PRRX2: variants seen among roughly 807,000 people sequenced by gnomAD.
PRRX2 encodes the protein paired mesoderm homeobox protein 2.
A neutral mutation model predicts 18.0 loss-of-function variants in PRRX2; 11 were observed. The ratio of observed to expected loss-of-function variants is 0.61; its 90% CI spans 0.39 to 1.01. PRRX2 has a LOEUF of 1.01. Ranked by LOEUF, PRRX2 falls within the 50% of genes least tolerant of loss-of-function variation. The pLI, the probability that PRRX2 is intolerant of heterozygous loss-of-function variation, is 0.01. For synonymous variants in PRRX2, 177 were observed against 154.8 expected, an observed-to-expected ratio of 1.14 and a Z score of -1.06; for missense variants, 387 against 351.0, an observed-to-expected ratio of 1.10 and a Z score of -0.82.
intron 1 of PRRX2, among the ~76,000 whole-genome samples, chr9:129,672,422 G>A (rs1232069188): frequency 2.0e-5 from 3 of 152,158 alleles, no homozygotes; most frequent in African/African-American, 7.2e-5. Flanking sequence ...TGAGGTGAAG[G>A]TCACACCGTT....
At chr9:129,710,690 G>T (rs548604320) in intron 1 of PRRX2, among the ~76,000 whole-genome samples, 1 of 152,178 alleles carries the variant, frequency 6.6e-6, no homozygotes, top group Admixed American at 6.5e-5. Flanking sequence ...CAGAGATCGC[G>T]CCAGTGCACT....
At chr9:129,682,327 G>T (rs1012652755) in intron 1 of PRRX2, among the ~76,000 whole-genome samples, 1 of 113,104 alleles carries the variant, frequency 8.8e-6, no homozygotes, top group Non-Finnish European at 1.9e-5. Flanking sequence ...GCTGCTGTGC[G>T]CACTATGTTA....
intron 1 of PRRX2, among the ~76,000 whole-genome samples, chr9:129,684,427 A>ACACACACAC (rs1440354447): frequency 2.9e-4 from 24 of 82,928 alleles, no homozygotes; most frequent in Non-Finnish European, 5.1e-4. Context: ...ACACAGATAC[A>ACACACACAC]ACACACACAC....
At chr9:129,703,476 C>G (rs1248199423) in intron 1 of PRRX2, among the ~76,000 whole-genome samples, 2 of 152,170 alleles carry the variant, frequency 1.3e-5, no homozygotes, top group African/African-American at 4.8e-5. Context: ...CAGATACCAG[C>G]CACTTTGGGG....
At chr9:129,717,894 G>A (rs1026387572) in intron 1 of PRRX2, among the ~76,000 whole-genome samples, 4 of 152,084 alleles carry the variant, frequency 2.6e-5, no homozygotes, top group East Asian at 1.9e-4. Flanking sequence ...GTGCTGAACC[G>A]GCAGCATTAG....
chr9:129,666,111 G>C lies in PRRX2; in HGVS notation c.244G>C (p.Ala82Pro). ...GTCCGGGGGCAGCAGCGGCAGCGAG[G>C]CGGCGCCGCAGGATGGTGAGTACGG... is the stretch of plus-strand genomic sequence containing the variant. Reference protein sequence around the residue: ...EPSGGSSGSEAAPQDGECPSP... With the variant: ...EPSGGSSGSEPAPQDGECPSP... Residue 82 changes from alanine (A) to proline (P), a missense_variant, in exon 1 of 4, where the codon GCG becomes CCG. Ala to Pro is a conservative substitution (Grantham distance 27). Transcript: ENST00000372469. 1 of 1,021,720 alleles carries C rather than the reference G, an allele frequency of 9.8e-7. No individual in the cohort carries two copies. Among genetic ancestry groups the C allele is most frequent in the Non-Finnish European group, 1.2e-6 (1 of 855,926 alleles). 63.3% of individuals were successfully genotyped at this position (1,021,720 alleles called of 1,614,324 possible).
At position 129,665,966 on chromosome 9, in the gene PRRX2, G is replaced by A. The variant is rs1291175038; in HGVS notation, c.99G>A (p.Gln33=). The A allele has an allele frequency of 8.1e-5, 93 of 1,144,022 alleles. No homozygotes were observed. In the East Asian group the frequency reaches 5.8e-3, roughly 71 times the overall value. 70.9% of individuals were successfully genotyped at this position (1,144,022 alleles called of 1,614,324 possible). A position where few individuals can be genotyped will look rare whatever the true frequency, so the allele number is the denominator to read the frequency against. The change falls in exon 1 of 4, where the codon CAG becomes CAA. Residue 33 remains glutamine, a synonymous_variant. Transcript: ENST00000372469. The surrounding 1 kb of genome is among the most constrained non-coding windows in gnomAD (Gnocchi z 5.3). ...PPALGPGDCA[Q]ARKNFSVSHL... ...CGCTGGGGCCCGGCGACTGCGCCCA[G>A]GCGCGCAAGAACTTCTCGGTGAGCC... is the stretch of plus-strand genomic sequence containing the variant.
chr9:129,719,788 A>G (rs1252755358), intron 2 of PRRX2, among the ~76,000 whole-genome samples: 1 of 152,138 alleles, frequency 6.6e-6, no homozygotes, highest in Non-Finnish European at 1.5e-5. Context: ...GGAATTTGAG[A>G]CCAGCCTGGC....
intron 1 of PRRX2, among the ~76,000 whole-genome samples, 179 bp downstream of exon 1, chr9:129,666,305 G>A (rs943291881): frequency 2.6e-5 from 4 of 152,092 alleles, no homozygotes; most frequent in Admixed American, 2.0e-4. Context: ...CTCTGGGCTG[G>A]GGGAGGGGGA....
intron 1 of PRRX2, among the ~76,000 whole-genome samples, chr9:129,694,320 G>A (rs1240196827): frequency 6.6e-6 from 1 of 152,170 alleles, no homozygotes; most frequent in Non-Finnish European, 1.5e-5. Flanking sequence ...GACTAGCCGG[G>A]ACTATGGGTG....
chr9:129,670,097 C>G (rs767325589), intron 1 of PRRX2, among the ~76,000 whole-genome samples: 1 of 148,758 alleles, frequency 6.7e-6, no homozygotes, highest in East Asian at 2.0e-4. Context: ...CAGTATTTGC[C>G]GTTCTGTGAC....
intron 1 of PRRX2, among the ~76,000 whole-genome samples, chr9:129,674,734 A>C (rs933375494): frequency 6.6e-6 from 1 of 152,142 alleles, no homozygotes; most frequent in African/African-American, 2.4e-5. Flanking sequence ...GAGTCAGGAC[A>C]TGGGGTTCCT....
chr9:129,703,503 A>T (rs1438685238), intron 1 of PRRX2, among the ~76,000 whole-genome samples: 1 of 152,072 alleles, frequency 6.6e-6, no homozygotes, highest in Non-Finnish European at 1.5e-5. Context: ...TCTGGACATA[A>T]ATCACCCCTG....
intron 1 of PRRX2, among the ~76,000 whole-genome samples, chr9:129,666,573 C>CA (rs1345362866): frequency 7.2e-6 from 1 of 139,428 alleles, no homozygotes; most frequent in African/African-American, 2.7e-5. Flanking sequence ...GCCTGCCCAC[C>CA]CCCCCCCACC....
chr9:129,697,339 G>T (rs1174427610), intron 1 of PRRX2, among the ~76,000 whole-genome samples: 1 of 151,988 alleles, frequency 6.6e-6, no homozygotes, highest in Non-Finnish European at 1.5e-5. Flanking sequence ...CCCCTAGGCC[G>T]TGCCCCCTCC....
Position 129,719,472 on chromosome 9 carries a change from C to A in PRRX2, c.447+54C>A, listed in dbSNP as rs374605341. 12 of 1,433,778 alleles carry A rather than the reference C, an allele frequency of 8.4e-6. No homozygotes were observed. The East Asian group carries it at 2.1e-4, about 25-fold the overall frequency. 88.8% of individuals were successfully genotyped at this position (1,433,778 alleles called of 1,614,324 possible). A position where few individuals can be genotyped will look rare whatever the true frequency, so the allele number is the denominator to read the frequency against. On this transcript the variant is annotated intron_variant, in intron 2 of 3. Transcript: ENST00000372469. The stretch of plus-strand genomic sequence containing the variant: ...GGAGCGTGCGCGTGGGAGCGCACAG[C>A]CACTGTTCACCCGGGATTACACAGT...
intron 1 of PRRX2, among the ~76,000 whole-genome samples, chr9:129,687,801 C>T (rs1172498016): frequency 6.6e-6 from 1 of 152,222 alleles, no homozygotes; most frequent in Non-Finnish European, 1.5e-5. Context: ...GCCGGGCAGG[C>T]CTAGGCAGGC....
chr9:129,690,169 GTCC>G (rs1832344410), intron 1 of PRRX2, among the ~76,000 whole-genome samples: 1 of 152,128 alleles, frequency 6.6e-6, no homozygotes, highest in Non-Finnish European at 1.5e-5. Flanking sequence ...TACCCAGCCT[GTCC>G]TCCTCTCCGC....
chr9:129,701,776 C>T lies in PRRX2; in HGVS notation c.260-17455C>T, dbSNP rs541197195. ...AAGAATTAAACAGATATGCTGTTGT[C>T]GTGGGATTTGTAGGAGATTTTTTTC... On this transcript the variant is annotated intron_variant, in intron 1 of 3. Coordinates refer to ENST00000372469, the MANE Select transcript of PRRX2 (RefSeq NM_016307.4). Among the ~76,000 whole-genome samples the T allele has an allele frequency of 5.3e-5, 8 of 152,324 alleles. 1 individual carries two copies. In the South Asian group the frequency reaches 1.0e-3, roughly 20 times the overall value.
Sources: gnomAD v4.1 joint callset for allele counts (sites outside exome capture counted in the v4.1 genomes callset) on GRCh38, gnomAD v4.1.1 for gene constraint, Gnocchi (gnomAD v3.1) non-coding constraint, MANE v1.5 for transcripts, NCBI Gene and HGNC (gene_info 2026-07-23, HGNC 2026-07-21) for gene names.